Variants in PRKG1 observed in about 807,000 individuals in gnomAD.
The protein encoded by PRKG1 is cGMP-dependent protein kinase 1.
In PRKG1, 35 loss-of-function variants were observed where a neutral mutation model predicts 88.1. That is an observed-to-expected ratio of 0.40 (90% CI 0.30 to 0.53). The LOEUF (loss-of-function observed/expected upper bound fraction) is 0.53. Ranked by LOEUF, PRKG1 falls within the 20% of genes least tolerant of loss-of-function variation. The pLI is 0.59. For missense variants in PRKG1, 540 were observed against 839.8 expected, an observed-to-expected ratio of 0.64 and a Z score of 4.41; for synonymous variants, 303 against 292.5, an observed-to-expected ratio of 1.04 and a Z score of -0.37.
intron 12 of PRKG1, among the ~76,000 whole-genome samples, chr10:52,279,663 ATAAG>A (rs1564543629): frequency 6.6e-6 from 1 of 152,140 alleles, no homozygotes; most frequent in East Asian, 1.9e-4. Context: ...TGAAAAAAAA[ATAAG>A]TGTCACCAAA....
chr10:51,481,196 T>C (rs293306), intron 3 of PRKG1, among the ~76,000 whole-genome samples: 114,100 of 141,974 alleles, frequency 0.8, 46,580 homozygotes, highest in East Asian at 0.99. Flanking sequence ...TCCCTCCCTC[T>C]CTCCCTCCCT....
intron 3 of PRKG1, among the ~76,000 whole-genome samples, chr10:51,794,956 T>C (rs1375125459): frequency 1.3e-5 from 2 of 152,090 alleles, no homozygotes; most frequent in Non-Finnish European, 2.9e-5. Context: ...AGGATTAACA[T>C]ATGTTAAGCA....
chr10:51,390,246 T>C (rs949260462), intron 2 of PRKG1, among the ~76,000 whole-genome samples: 12 of 152,206 alleles, frequency 7.9e-5, no homozygotes, highest in Admixed American at 6.5e-4. Context: ...CTGGAATCAC[T>C]GGGTGAGGCT....
At chr10:51,574,372 T>C (rs1453128239) in intron 3 of PRKG1, among the ~76,000 whole-genome samples, 1 of 151,944 alleles carries the variant, frequency 6.6e-6, no homozygotes, top group Non-Finnish European at 1.5e-5. Flanking sequence ...TGCTATGTTC[T>C]TTTCTGGTTA....
chr10:52,262,551 A>G (rs113193508), intron 10 of PRKG1, among the ~76,000 whole-genome samples: 30 of 152,070 alleles, frequency 2.0e-4, no homozygotes, highest in African/African-American at 6.8e-4. Flanking sequence ...GATTACAGGC[A>G]TGAGCCACCG....
At chr10:51,097,972 T>C (rs1353154528) in intron 1 of PRKG1, among the ~76,000 whole-genome samples, 1 of 152,158 alleles carries the variant, frequency 6.6e-6, no homozygotes, top group Non-Finnish European at 1.5e-5. Flanking sequence ...CTTCTTTTCG[T>C]GGGAAGTATC....
At chr10:52,263,723 C>T (rs561013529) in intron 10 of PRKG1, among the ~76,000 whole-genome samples, 33 of 151,916 alleles carry the variant, frequency 2.2e-4, no homozygotes, top group African/African-American at 7.5e-4. Context: ...TAGAGGCATC[C>T]ACCACCATGC....
chr10:51,523,200 A>T (rs2026557), intron 3 of PRKG1, among the ~76,000 whole-genome samples: 45,621 of 151,994 alleles, frequency 0.3, 7,767 homozygotes, highest in East Asian at 0.8. Context: ...TCAACATGGC[A>T]ACAATTCTGC....
chr10:51,103,784 G>A (rs1412813374), intron 1 of PRKG1, among the ~76,000 whole-genome samples: 2 of 152,176 alleles, frequency 1.3e-5, no homozygotes, highest in African/African-American at 4.8e-5. Flanking sequence ...GAACTTGATA[G>A]CATACCTACT....
intron 3 of PRKG1, among the ~76,000 whole-genome samples, chr10:51,788,177 T>C (rs1245992748): frequency 6.6e-6 from 1 of 152,188 alleles, no homozygotes; most frequent in Non-Finnish European, 1.5e-5. Context: ...GATCCTTTTG[T>C]AAAATACAGA....
chr10:52,135,374 T>C lies in PRKG1; in HGVS notation c.1001+1469T>C, dbSNP rs564985924. On this transcript the variant is annotated intron_variant, in intron 8 of 17. Transcript: ENST00000373980. ...TGCTGGCACTGGTTCACTGAGAAAA[T>C]TGAATGTTGGGATAAGGGCAGTTCA... 3.3e-5 allele frequency among the ~76,000 whole-genome samples: 5 copies of C among 152,092 alleles called. No homozygotes were observed. The East Asian group carries it at 9.7e-4, about 29-fold the overall frequency.
chr10:51,378,090 T>C (rs1402292334), intron 2 of PRKG1, among the ~76,000 whole-genome samples: 2 of 152,244 alleles, frequency 1.3e-5, no homozygotes, highest in Non-Finnish European at 2.9e-5. Flanking sequence ...TGCTTTAGCC[T>C]TGGCCTTTGG....
intron 9 of PRKG1, among the ~76,000 whole-genome samples, chr10:52,225,702 T>C (rs1564522824): frequency 6.6e-6 from 1 of 152,186 alleles, no homozygotes; most frequent in African/African-American, 2.4e-5. Context: ...TTCTCCTACA[T>C]GTGGCTAGCC....
chr10:51,771,493 C>A (rs1332451809), intron 3 of PRKG1, among the ~76,000 whole-genome samples: 4 of 152,170 alleles, frequency 2.6e-5, no homozygotes, highest in African/African-American at 9.7e-5. Context: ...CATTCTGTTT[C>A]TCCCCACCTT....
intron 9 of PRKG1, among the ~76,000 whole-genome samples, chr10:52,218,982 A>G (rs1341351396): frequency 6.6e-6 from 1 of 152,198 alleles, no homozygotes; most frequent in Non-Finnish European, 1.5e-5. Context: ...AGATAAGCTG[A>G]AGATAAAAGG....
rs143112349 is a variant in PRKG1 at position 51,892,293 on chromosome 10, AT to A, written c.699-15213del. On this transcript the variant is annotated intron_variant, in intron 4 of 17. Coordinates refer to ENST00000373980, the MANE Select transcript of PRKG1 (RefSeq NM_006258.4). ...AGTAAAGAGGATTTTTCAAATTTTT[AT>A]AACTCAGAATTTTAAAATTTATTTA... Among the ~76,000 whole-genome samples the A allele has an allele frequency of 7.3e-3, 1,106 of 152,318 alleles. 6 individuals carry two copies. The highest frequency in any genetic ancestry group is 0.01 in the Non-Finnish European group (695 of 68,028).
intron 1 of PRKG1, among the ~76,000 whole-genome samples, chr10:51,045,333 A>T (rs887335136): frequency 2.0e-5 from 3 of 146,542 alleles, no homozygotes; most frequent in Non-Finnish European, 4.5e-5. Context: ...TTATTTATTT[A>T]TTTTTTGAGA....
At chr10:51,392,475 T>C (rs908563381) in intron 2 of PRKG1, among the ~76,000 whole-genome samples, 1 of 152,264 alleles carries the variant, frequency 6.6e-6, no homozygotes, top group Middle Eastern at 3.4e-3. Flanking sequence ...CAGGATCCCA[T>C]GGCAGAAGAA....
chr10:51,929,395 G>C (rs1332021104), intron 5 of PRKG1, among the ~76,000 whole-genome samples: 1 of 140,360 alleles, frequency 7.1e-6, no homozygotes, highest in Non-Finnish European at 1.5e-5. Context: ...CGGTGGCCCA[G>C]GCTGGAGTAC....
Sources: allele counts gnomAD v4.1 joint callset (sites outside exome capture counted in the v4.1 genomes callset), GRCh38; gene constraint gnomAD v4.1.1; transcripts MANE v1.5; gene names NCBI Gene and HGNC (gene_info 2026-07-23, HGNC 2026-07-21).